DOCK4: variants seen among roughly 807,000 people sequenced by gnomAD.
DOCK4 encodes dedicator of cytokinesis 4, also known as dedicator of cytokinesis protein 4.
A neutral mutation model predicts 268.1 loss-of-function variants in DOCK4; 97 were observed. That is an observed-to-expected ratio of 0.36 (90% CI 0.31 to 0.43). DOCK4 has a LOEUF of 0.43. DOCK4 is among the 20% of genes least tolerant of loss of function. The pLI, the probability that DOCK4 is intolerant of heterozygous loss-of-function variation, is 1.00. For synonymous variants in DOCK4, 954 were observed against 887.2 expected (o/e 1.08, Z -1.34); for missense variants, 2,145 against 2,455.7 (o/e 0.87, Z 2.67).
chr7:111,886,748 G>A (rs1301919717), intron 16 of DOCK4, among the ~76,000 whole-genome samples: 3 of 152,104 alleles, frequency 2.0e-5, no homozygotes, highest in Non-Finnish European at 2.9e-5. Flanking sequence ...AATGACATTC[G>A]TGGGAAAAGT....
At chr7:111,761,456 A>C (rs1198279489) in intron 39 of DOCK4, among the ~76,000 whole-genome samples, 1 of 152,154 alleles carries the variant, frequency 6.6e-6, no homozygotes, top group African/African-American at 2.4e-5. Flanking sequence ...AACATGGCCT[A>C]GTGTATGCAG....
intron 1 of DOCK4, among the ~76,000 whole-genome samples, chr7:112,159,841 C>CATAATATTATGTATATATATATAT (rs1563143248): frequency 6.8e-6 from 1 of 147,864 alleles, no homozygotes; most frequent in African/African-American, 2.5e-5. Context: ...TATATATATA[C>CATAATATTATGTATATATATATAT]ATAATATATA....
At chr7:112,057,573 G>C (rs148220602) in intron 1 of DOCK4, among the ~76,000 whole-genome samples, 1 of 149,542 alleles carries the variant, frequency 6.7e-6, no homozygotes, top group African/African-American at 2.5e-5. Flanking sequence ...AAAAAAAAAT[G>C]AATAAGCCTT....
rs372378308 is a variant in DOCK4, at chr7:112,011,756, AC to A, written c.38-7626del. 7.9e-3 allele frequency among the ~76,000 whole-genome samples: 1,160 copies of A among 147,160 alleles called. 54 individuals carry two copies. Among genetic ancestry groups the A allele is most frequent in the African/African-American group, 0.02 (788 of 39,520 alleles). On this transcript the variant is annotated intron_variant, in intron 1 of 52. Transcript: ENST00000428084. ...AGAAGAACTGAAGGTCAAAAAAAAA[AC>A]AAAAAAAAAACCTTTAAGTTTAAGC... is the stretch of plus-strand genomic sequence containing the variant.
At chr7:112,171,865 A>G (rs1032316698) in intron 1 of DOCK4, among the ~76,000 whole-genome samples, 4 of 152,324 alleles carry the variant, frequency 2.6e-5, no homozygotes, top group East Asian at 3.9e-4. Flanking sequence ...GTCCAAGATC[A>G]AGGTGCTGGC....
chr7:111,742,302 T>G (rs1369612641), intron 44 of DOCK4, among the ~76,000 whole-genome samples, 170 bp from the exon 45 acceptor site: 2 of 152,232 alleles, frequency 1.3e-5, no homozygotes, highest in African/African-American at 4.8e-5. Context: ...ACTGAGGATC[T>G]GAAAAATCCT....
chr7:111,957,496 C>T (rs558855473), intron 8 of DOCK4, among the ~76,000 whole-genome samples: 30 of 152,212 alleles, frequency 2.0e-4, no homozygotes, highest in Admixed American at 5.9e-4. Context: ...AACTAAACAA[C>T]CTGGAAAAAA....
rs201660959 is a variant in DOCK4, at chr7:112,039,375, G to GC, written c.38-35245_38-35244insG. ...AAGGTTTTAAAGAGGATTTCATATG[G>GC]GGGGGGGGGCTTAAAGATGCAGAAA... On this transcript the variant is annotated intron_variant, in intron 1 of 52. Coordinates refer to ENST00000428084, the MANE Select transcript of DOCK4 (RefSeq NM_001363540.2). Among the ~76,000 whole-genome samples the GC allele has an allele frequency of 9.7e-3, 1,062 of 109,336 alleles. 13 individuals carry two copies. Among genetic ancestry groups the GC allele is most frequent in the Middle Eastern group, 0.03 (6 of 200 alleles). The allele number at this position is 109,336 out of a possible 152,430, so 71.7% of individuals were successfully genotyped here.
intron 1 of DOCK4, among the ~76,000 whole-genome samples, chr7:112,147,852 A>G (rs1051464132): frequency 3.8e-4 from 49 of 128,570 alleles, no homozygotes; most frequent in Admixed American, 3.0e-3. Flanking sequence ...CACCAGGAGG[A>G]GGCTTGAAAG....
At chr7:111,863,139 T>C (rs1805689315) in intron 23 of DOCK4, 1 of 513,230 alleles carries the variant, frequency 1.9e-6, no homozygotes, top group Non-Finnish European at 3.5e-6. Context: ...TTAAATCCCA[T>C]TAAACATAAA....
At chr7:111,847,215 G>T in intron 23 of DOCK4, 89 bp from the exon 24 acceptor site, 1 of 1,517,714 alleles carries the variant, frequency 6.6e-7, no homozygotes, top group Admixed American at 2.0e-5. Context: ...ATTCAATTTT[G>T]GTTGCTAAAT....
At chr7:111,983,860 G>GCACATACACACACACACA (rs375791144) in intron 7 of DOCK4, among the ~76,000 whole-genome samples, 1 of 128,844 alleles carries the variant, frequency 7.8e-6, no homozygotes, top group South Asian at 2.4e-4. Flanking sequence ...GCGCGCGCGC[G>GCACATACACACACACACA]CGCACACACA....
At chr7:112,153,606 C>T (rs999739513) in intron 1 of DOCK4, among the ~76,000 whole-genome samples, 1 of 152,132 alleles carries the variant, frequency 6.6e-6, no homozygotes, top group Non-Finnish European at 1.5e-5. Flanking sequence ...GTCTGTTTCT[C>T]CATCATGTAT....
intron 1 of DOCK4, among the ~76,000 whole-genome samples, chr7:112,156,336 G>A (rs1485335650): frequency 6.6e-6 from 1 of 152,142 alleles, no homozygotes; most frequent in Non-Finnish European, 1.5e-5. Flanking sequence ...ATAATTTCAT[G>A]AACAATCTAT....
At chr7:112,185,958 C>A (rs73192993) in intron 1 of DOCK4, among the ~76,000 whole-genome samples, 11 of 152,308 alleles carry the variant, frequency 7.2e-5, no homozygotes, top group African/African-American at 2.6e-4. Flanking sequence ...TTAGGGCTGA[C>A]GGCTGAAGCC....
chr7:112,193,275 G>A (rs1176835080), intron 1 of DOCK4, among the ~76,000 whole-genome samples: 5 of 152,090 alleles, frequency 3.3e-5, no homozygotes, highest in Non-Finnish European at 2.9e-5. Flanking sequence ...CAGATACCTG[G>A]AGTTACTAGT....
chr7:111,989,219 G>A, intron 5 of DOCK4, 56 bp from the exon 6 acceptor site: 2 of 1,594,522 alleles, frequency 1.3e-6, no homozygotes, highest in Non-Finnish European at 1.7e-6. Flanking sequence ...TGAGTTGTGG[G>A]GTAACCAAAA....
At chr7:111,821,884 A>G (rs1802007786) in intron 27 of DOCK4, 1 of 152,474 alleles carries the variant, frequency 6.6e-6, no homozygotes, top group Non-Finnish European at 1.5e-5. Context: ...ATTTCTAGTA[A>G]CAGAGAATTG....
At chr7:111,969,891 T>C (rs1797568071) in intron 8 of DOCK4, among the ~76,000 whole-genome samples, 1 of 152,188 alleles carries the variant, frequency 6.6e-6, no homozygotes, top group African/African-American at 2.4e-5. Context: ...TGCTTGTATG[T>C]AACAAAAACT....
Sources: gnomAD v4.1 joint callset for allele counts (sites outside exome capture counted in the v4.1 genomes callset) on GRCh38, gnomAD v4.1.1 for gene constraint, MANE v1.5 for transcripts, NCBI Gene and HGNC (gene_info 2026-07-23, HGNC 2026-07-21) for gene names.